HHIPL1: variants seen among roughly 807,000 people sequenced by gnomAD.
HHIPL1 encodes the protein HHIP-like protein 1.
In HHIPL1, 43 loss-of-function variants were observed where a neutral mutation model predicts 61.8. The observed-to-expected ratio is 0.70, with a 90% CI of 0.55 to 0.90. The LOEUF (loss-of-function observed/expected upper bound fraction) is 0.90. Among genes scored for constraint, HHIPL1 ranks in the 40% least tolerant of loss-of-function variants. The probability of loss-of-function intolerance (pLI) is 0.00; values close to 1 mark genes in which losing one functional copy is unlikely to be tolerated. For synonymous variants in HHIPL1, 482 were observed against 515.8 expected (o/e 0.93, Z 0.89); for missense variants, 1,056 against 1,157.7 (o/e 0.91, Z 1.28).
chr14:99,629,086 C>T, the HHIPL1 span, among the ~76,000 whole-genome samples: 5 of 152,306 alleles, frequency 3.3e-5, no homozygotes, highest in East Asian at 1.9e-4. Context: ...CAGACACCCG[C>T]GGATGTAGGA....
chr14:99,680,384 T>C lies in HHIPL1; in HGVS notation c.*4758T>C, dbSNP rs1164968676. On this transcript the variant is annotated 3_prime_UTR_variant, in exon 9 of 9. Coordinates refer to ENST00000330710, the MANE Select transcript of HHIPL1 (RefSeq NM_001127258.3). ...GGTTGCTGGGTCCTGTCTCTCAGAGTTTTTGACTCAGTCTTGGTTGAGAAT... is the reference window on the plus strand; with the variant it reads ...GGTTGCTGGGTCCTGTCTCTCAGAGCTTTTGACTCAGTCTTGGTTGAGAAT... 1 of 152,182 alleles carries C rather than the reference T, an allele frequency of 6.6e-6. No individual in the cohort carries two copies. Among genetic ancestry groups the C allele is most frequent in the Admixed American group, 6.6e-5 (1 of 15,264 alleles). 9.4% of individuals were successfully genotyped at this position (152,182 alleles called of 1,614,324 possible).
rs1595167967 is a variant in HHIPL1, at chr14:99,668,118, T to G, written c.1649-104T>G. 1 of 750,088 alleles carries G rather than the reference T, an allele frequency of 1.3e-6. No homozygotes were observed. Among genetic ancestry groups the G allele is most frequent in the Non-Finnish European group, 2.5e-6 (1 of 402,530 alleles). 46.5% of individuals were successfully genotyped at this position (750,088 alleles called of 1,614,324 possible). ...TGCCTCACGTGATGGCTAGCTGGGG[T>G]TGGGGTCTATTTCCAAGCCTGCAGG... On this transcript the variant is annotated intron_variant, in intron 6 of 8. Coordinates refer to ENST00000330710, the MANE Select transcript of HHIPL1 (RefSeq NM_001127258.3). The surrounding 1 kb of genome is among the most constrained non-coding windows in gnomAD (Gnocchi z 4.7).
At chr14:99,653,884 C>T (rs1375188050) in intron 2 of HHIPL1, among the ~76,000 whole-genome samples, 1 of 152,176 alleles carries the variant, frequency 6.6e-6, no homozygotes, top group Non-Finnish European at 1.5e-5. Context: ...GTCAGTTACT[C>T]ATGTGTTAGA....
Position 99,660,136 on chromosome 14 carries a change from CTG to C in HHIPL1, c.1376-143_1376-142del. 2 of 729,980 alleles carry C rather than the reference CTG, an allele frequency of 2.7e-6. No individual in the cohort carries two copies. The highest frequency in any genetic ancestry group is 2.5e-5 in the South Asian group (1 of 40,240). 45.2% of individuals were successfully genotyped at this position (729,980 alleles called of 1,614,324 possible). A position where few individuals can be genotyped will look rare whatever the true frequency, so the allele number is the denominator to read the frequency against. On this transcript the variant is annotated intron_variant, in intron 4 of 8. Coordinates refer to ENST00000330710, the MANE Select transcript of HHIPL1 (RefSeq NM_001127258.3). The surrounding 1 kb of genome is among the most constrained non-coding windows in gnomAD (Gnocchi z 4.9). ...AGACACGCTTTCCACCACGCCAGCC[CTG>C]CTGTGGGCACGCCAGCCCTGCTGTG...
the HHIPL1 span, among the ~76,000 whole-genome samples, chr14:99,638,250 G>A: frequency 3.3e-5 from 5 of 152,182 alleles, no homozygotes; most frequent in East Asian, 1.9e-4. Flanking sequence ...ACATTCTCCC[G>A]CTGCAGCTAA....
chr14:99,663,103 T>A (rs2056181700), intron 6 of HHIPL1, 82 bp downstream of exon 6: 1 of 1,367,420 alleles, frequency 7.3e-7, no homozygotes, highest in East Asian at 2.4e-5. Context: ...TGGTCTCTGA[T>A]GTAGGGGAAG....
At chr14:99,619,943 C>G in the HHIPL1 span, among the ~76,000 whole-genome samples, 1 of 152,182 alleles carries the variant, frequency 6.6e-6, no homozygotes, top group African/African-American at 2.4e-5. Flanking sequence ...CAATCCACAT[C>G]CTTAGCAGAG....
rs1339003180 is a variant in HHIPL1, at chr14:99,679,096, AAATTTG to A, written c.*3478_*3483del. ...TCACTTACCAAATGTCACATAGCCAAAATTTGAATTTGAGCCCAGGTAGTCCAGCTC... is the reference window on the plus strand; with the variant it reads ...TCACTTACCAAATGTCACATAGCCAAAATTTGAGCCCAGGTAGTCCAGCTC... On this transcript the variant is annotated 3_prime_UTR_variant, in exon 9 of 9. Transcript: ENST00000330710. 6.6e-6 allele frequency: 1 copy of A among 152,196 alleles called. No homozygotes were observed. Among genetic ancestry groups the A allele is most frequent in the African/African-American group, 2.4e-5 (1 of 41,454 alleles). The allele number at this position is 152,196 out of a possible 1,614,324, so 9.4% of individuals were successfully genotyped here.
upstream of HHIPL1, among the ~76,000 whole-genome samples, chr14:99,640,232 G>A (rs1189624935): frequency 1.3e-5 from 2 of 152,108 alleles, no homozygotes; most frequent in South Asian, 2.1e-4. Flanking sequence ...TTAATGGTTG[G>A]GCTAGAGTAT....
At chr14:99,639,665 G>GT in the HHIPL1 span, among the ~76,000 whole-genome samples, 3 of 151,158 alleles carry the variant, frequency 2.0e-5, no homozygotes, top group African/African-American at 7.3e-5. Flanking sequence ...TTTTTTGTTT[G>GT]TTTTTTTGTT....
In HHIPL1 at chr14:99,652,493, A is replaced by G; in HGVS notation, c.525A>G (p.Val175=). The stretch of plus-strand genomic sequence containing the variant: ...TCAACTCAAACCTGGGCCACGTGGT[A>G]GCCGATGCCAAGGGCTGCCTGCAGC... The part of the protein sequence containing the change: ...KNLNSNLGHV[V]ADAKGCLQLC... The change falls in exon 2 of 9, where the codon GTA becomes GTG. Residue 175 remains valine (V), a synonymous_variant. Coordinates refer to ENST00000330710, the MANE Select transcript of HHIPL1 (RefSeq NM_001127258.3). The G allele has an allele frequency of 6.2e-7, 1 of 1,613,932 alleles. No homozygotes were observed. Among genetic ancestry groups the G allele is most frequent in the Non-Finnish European group, 8.5e-7 (1 of 1,180,042 alleles).
rs777755543 is a variant in HHIPL1, at chr14:99,677,812, C to T, written c.*2186C>T. 1 of 152,090 alleles carries T rather than the reference C, an allele frequency of 6.6e-6. No homozygotes were observed. Among genetic ancestry groups the T allele is most frequent in the Non-Finnish European group, 1.5e-5 (1 of 68,054 alleles). 9.4% of individuals were successfully genotyped at this position (152,090 alleles called of 1,614,324 possible). On this transcript the variant is annotated 3_prime_UTR_variant, in exon 9 of 9. Transcript: ENST00000330710. This position sits in a 1 kb window ranked among gnomAD's most constrained non-coding sequence, Gnocchi z 4.3. ...CCCTCCAGTACTTCTCTGGGCAGTT[C>T]GGGCTTTGGCCTTCAGTCTTCCAGG...
chr14:99,631,002 C>A, the HHIPL1 span, among the ~76,000 whole-genome samples: 1 of 152,184 alleles, frequency 6.6e-6, no homozygotes, highest in Non-Finnish European at 1.5e-5. Flanking sequence ...GATAAGGATG[C>A]ACTCTAATGA....
chr14:99,613,046 C>T, the HHIPL1 span, among the ~76,000 whole-genome samples: 5 of 152,104 alleles, frequency 3.3e-5, no homozygotes, highest in African/African-American at 1.2e-4. Flanking sequence ...TGGCTGCAGG[C>T]CCAGCCCTCC....
intron 1 of HHIPL1, among the ~76,000 whole-genome samples, chr14:99,648,450 A>G (rs1431990301): frequency 6.6e-6 from 1 of 152,178 alleles, no homozygotes; most frequent in East Asian, 1.9e-4. Flanking sequence ...CTCCAAAGCC[A>G]TTCTCCTAAC....
the HHIPL1 span, among the ~76,000 whole-genome samples, chr14:99,609,661 G>C: frequency 0.64 from 97,398 of 152,126 alleles, 34,574 homozygotes; most frequent in South Asian, 0.87. Flanking sequence ...ATGCTGGACC[G>C]CCAGGGGCAG....
At chr14:99,658,689 C>T (rs765949898) in intron 3 of HHIPL1, among the ~76,000 whole-genome samples, 12 of 152,102 alleles carry the variant, frequency 7.9e-5, no homozygotes, top group Admixed American at 1.3e-4. Context: ...TCCCATCACG[C>T]GTCACTTTTG....
chr14:99,657,065 A>T lies in HHIPL1; in HGVS notation c.968A>T (p.Asp323Val), dbSNP rs1012111810. ...GGGGGCCAGCTGCTTTTCGGGGATG[A>T]CGGGTACCTCTACATCTTCACTGGA... is the stretch of plus-strand genomic sequence containing the variant. ...HNGGQLLFGD[D>V]GYLYIFTGDG... The change falls in exon 3 of 9, where the codon GAC becomes GTC. Residue 323 changes from aspartate to valine, a missense_variant. Coordinates refer to ENST00000330710, the MANE Select transcript of HHIPL1 (RefSeq NM_001127258.3). 1 of 1,613,684 alleles carries T rather than the reference A, an allele frequency of 6.2e-7. No individual in the cohort carries two copies. The highest frequency in any genetic ancestry group is 1.1e-5 in the South Asian group (1 of 91,030).
chr14:99,616,030 C>T, the HHIPL1 span, among the ~76,000 whole-genome samples: 1 of 152,226 alleles, frequency 6.6e-6, no homozygotes, highest in Non-Finnish European at 1.5e-5. Context: ...TACCATGGCT[C>T]AGCTGGCCAT....
Sources: allele counts gnomAD v4.1 joint callset (sites outside exome capture counted in the v4.1 genomes callset), GRCh38; gene constraint gnomAD v4.1.1; non-coding constraint Gnocchi (gnomAD v3.1); transcripts MANE v1.5; gene names NCBI Gene and HGNC (gene_info 2026-07-23, HGNC 2026-07-21).